The following GRHL2 variants were observed in gnomAD, a reference collection of about 807,000 sequenced individuals.
GRHL2 encodes the protein grainyhead-like protein 2 homolog.
In GRHL2, 21 loss-of-function variants were observed where a neutral mutation model predicts 83.8. That is an observed-to-expected ratio of 0.25 (90% CI 0.18 to 0.36). The LOEUF is 0.36. Ranked by LOEUF, GRHL2 falls within the 10% of genes least tolerant of loss-of-function variation. GRHL2 has a pLI of 1.00. For synonymous variants in GRHL2, 280 were observed against 278.9 expected (o/e 1.00, Z -0.04); for missense variants, 623 against 781.8 (o/e 0.80, Z 2.42).
intron 7 of GRHL2, 36 bp downstream of exon 7, chr8:101,577,555 T>C (rs755353464): frequency 5.9e-6 from 8 of 1,351,724 alleles, no homozygotes; most frequent in South Asian, 1.2e-5. Context: ...TAGTCCTCGA[T>C]AAACTGACAT....
intron 7 of GRHL2, among the ~76,000 whole-genome samples, chr8:101,592,100 CTTTTT>C (rs11382067): frequency 6.6e-5 from 6 of 90,304 alleles, no homozygotes; most frequent in African/African-American, 2.7e-4. Flanking sequence ...TCTTTCTTTT[CTTTTT>C]TTTTTTTTTT....
At chr8:101,547,244 T>G (rs1467891174) in intron 2 of GRHL2, among the ~76,000 whole-genome samples, 1 of 139,626 alleles carries the variant, frequency 7.2e-6, no homozygotes, top group Non-Finnish European at 1.6e-5. Flanking sequence ...GTTTTTTTTT[T>G]TGGTTTAAAT....
At chr8:101,603,280 T>G (rs541825301) in intron 8 of GRHL2, among the ~76,000 whole-genome samples, 2 of 152,320 alleles carry the variant, frequency 1.3e-5, no homozygotes, top group Non-Finnish European at 2.9e-5. Context: ...CTTCCCAAGA[T>G]GATTATGTTA....
intron 2 of GRHL2, 46 bp from the exon 3 acceptor site, chr8:101,552,669 T>G: frequency 1.3e-6 from 2 of 1,569,150 alleles, no homozygotes; most frequent in Non-Finnish European, 1.8e-6. Context: ...AACATGGTCA[T>G]GGTTGCCTCT....
chr8:101,502,991 C>T (rs1282014434), intron 1 of GRHL2, among the ~76,000 whole-genome samples: 1 of 152,112 alleles, frequency 6.6e-6, no homozygotes, highest in Non-Finnish European at 1.5e-5. Flanking sequence ...GAATAGCAGC[C>T]GCAGTTTCAC....
chr8:101,562,271 T>C (rs564296869), intron 4 of GRHL2: 26 of 602,310 alleles, frequency 4.3e-5, no homozygotes, highest in Admixed American at 3.0e-4. Context: ...CATTTCTACA[T>C]TTTTCAAATT....
chr8:101,619,113 C>A (rs1209365656), intron 8 of GRHL2, among the ~76,000 whole-genome samples: 1 of 152,020 alleles, frequency 6.6e-6, no homozygotes, highest in African/African-American at 2.4e-5. Flanking sequence ...ATTAGCCAGA[C>A]GTGGTGGCAG....
intron 3 of GRHL2, among the ~76,000 whole-genome samples, chr8:101,557,957 C>T (rs1334032492): frequency 6.6e-6 from 1 of 151,954 alleles, no homozygotes; most frequent in African/African-American, 2.4e-5. Context: ...CTCTGCCTCC[C>T]GGGTTCAAGT....
At chr8:101,603,443 T>A (rs1812560503) in intron 8 of GRHL2, among the ~76,000 whole-genome samples, 1 of 152,252 alleles carries the variant, frequency 6.6e-6, no homozygotes, top group South Asian at 2.1e-4. Context: ...ATACATTTTC[T>A]TTCATTGCTG....
intron 7 of GRHL2, among the ~76,000 whole-genome samples, chr8:101,595,652 C>T (rs1235064773): frequency 1.3e-5 from 2 of 151,962 alleles, no homozygotes; most frequent in East Asian, 1.9e-4. Context: ...CAAGTATAGT[C>T]GTATAACCTT....
rs1285697989 is a variant in GRHL2, at chr8:101,601,658, A to T, written c.1098+2507A>T. ...GATATTTTATATTGCATTGTTTTAT[A>T]TTGCAAAATTTTTTTAACTTCATTA... On this transcript the variant is annotated intron_variant, in intron 8 of 15. Transcript: ENST00000646743. 3.9e-5 allele frequency among the ~76,000 whole-genome samples: 6 copies of T among 152,332 alleles called. No homozygotes were observed. In the East Asian group the frequency reaches 1.2e-3, roughly 29 times the overall value.
chr8:101,527,647 T>C (rs1586421873), intron 1 of GRHL2, among the ~76,000 whole-genome samples: 1 of 152,256 alleles, frequency 6.6e-6, no homozygotes, highest in African/African-American at 2.4e-5. Flanking sequence ...ACTGACTTAT[T>C]TGATATTCTC....
At chr8:101,557,370 G>C (rs907622366) in intron 3 of GRHL2, among the ~76,000 whole-genome samples, 1 of 151,206 alleles carries the variant, frequency 6.6e-6, no homozygotes, top group Non-Finnish European at 1.5e-5. Context: ...GACTACAGGC[G>C]CATGCCACTG....
intron 11 of GRHL2, among the ~76,000 whole-genome samples, chr8:101,634,604 G>A (rs778895234): frequency 3.3e-5 from 5 of 152,176 alleles, no homozygotes; most frequent in African/African-American, 7.2e-5. Flanking sequence ...AGAAACCGCC[G>A]CAGTCCTGAG....
chr8:101,493,429 C>T (rs1041584440), intron 1 of GRHL2, among the ~76,000 whole-genome samples: 4 of 151,208 alleles, frequency 2.6e-5, no homozygotes, highest in Admixed American at 2.6e-4. Flanking sequence ...GCCTTCCTCC[C>T]CCCTCCCCCG....
intron 4 of GRHL2, among the ~76,000 whole-genome samples, chr8:101,565,019 G>A (rs1770447260): frequency 6.6e-6 from 1 of 152,174 alleles, no homozygotes; most frequent in Non-Finnish European, 1.5e-5. Context: ...ATGTGTGAAG[G>A]GAAATAATGC....
chr8:101,626,296 C>T (rs1813078145), intron 9 of GRHL2, among the ~76,000 whole-genome samples: 1 of 152,048 alleles, frequency 6.6e-6, no homozygotes, highest in Non-Finnish European at 1.5e-5. Context: ...ATTAATCTCA[C>T]ACCTGTGAGA....
intron 13 of GRHL2, among the ~76,000 whole-genome samples, chr8:101,645,647 A>G (rs1813497791): frequency 6.6e-6 from 1 of 152,096 alleles, no homozygotes; most frequent in South Asian, 2.1e-4. Context: ...TGCCTACCTC[A>G]TAGAGCTGTG....
chr8:101,605,811 G>A (rs984801436), intron 8 of GRHL2, among the ~76,000 whole-genome samples: 5 of 152,222 alleles, frequency 3.3e-5, no homozygotes, highest in Non-Finnish European at 7.3e-5. Flanking sequence ...TCGCTCCAAA[G>A]ATCAGTGCAT....
Sources: allele counts gnomAD v4.1 joint callset (sites outside exome capture counted in the v4.1 genomes callset), GRCh38; gene constraint gnomAD v4.1.1; transcripts MANE v1.5; gene names NCBI Gene and HGNC (gene_info 2026-07-23, HGNC 2026-07-21).